The following TDRD5 variants were observed in gnomAD, a reference collection of about 807,000 sequenced individuals.
TDRD5 encodes tudor domain containing 5.
Under a neutral mutation model 120.6 loss-of-function variants are expected in TDRD5, and 41 were observed. That is an observed-to-expected ratio of 0.34 (90% CI 0.26 to 0.44). TDRD5 has a LOEUF of 0.44. TDRD5 is among the 20% of genes least tolerant of loss of function. The probability of loss-of-function intolerance (pLI) is 1.00; values close to 1 mark genes in which losing one functional copy is unlikely to be tolerated. For synonymous variants in TDRD5, 430 were observed against 433.7 expected (o/e 0.99, Z 0.11); for missense variants, 1,006 against 1,221.2 (o/e 0.82, Z 2.63).
intron 17 of TDRD5, among the ~76,000 whole-genome samples, chr1:179,675,571 G>A (rs923632071): frequency 2.6e-4 from 40 of 152,004 alleles, no homozygotes; most frequent in Non-Finnish European, 5.0e-4. Flanking sequence ...GAGCCACCGC[G>A]CCCGGCCCTC....
intron 17 of TDRD5, among the ~76,000 whole-genome samples, chr1:179,677,693 T>A (rs1162046242): frequency 3.9e-5 from 6 of 152,158 alleles, no homozygotes; most frequent in Non-Finnish European, 8.8e-5. Context: ...CAAAGAGTCT[T>A]GTGATGTGAT....
At position 179,635,766 on chromosome 1, in the gene TDRD5, T is replaced by G. The variant is rs1677731031; in HGVS notation, c.1399T>G (p.Leu467Val). 2 of 1,614,102 alleles carry G rather than the reference T, an allele frequency of 1.2e-6. No homozygotes were observed. Among genetic ancestry groups the G allele is most frequent in the Non-Finnish European group, 8.5e-7 (1 of 1,180,000 alleles). Residue 467 changes from leucine to valine, a missense_variant, in exon 9 of 18, where the codon TTA (leucine) becomes GTA (valine). This residue lies in a region of TDRD5 where 158 missense variants were observed against 257.5 expected (regional missense o/e 0.61). Coordinates refer to ENST00000444136, the MANE Select transcript of TDRD5 (RefSeq NM_001199085.3). ...CAAGAAATTATGCAGACTCCCACCA[T>G]TAGACACCAGTTCCCTCATAGGGGT... ...PNKKLCRLPP[L>V]DTSSLIGVFV...
rs1677734735 is a variant in TDRD5, at chr1:179,635,807, C to A, written c.1440C>A (p.Ile480=). ...TCATAGGGGTCTTTGTGGAGTATAT[C>A]ATCTCTCCTAGTCAATTCTACATCC... is the stretch of plus-strand genomic sequence containing the variant. The part of the protein sequence containing the change: ...SSLIGVFVEY[I]ISPSQFYIRI... The change falls in exon 9 of 18, where the codon ATC becomes ATA. Residue 480 remains isoleucine (I), a synonymous_variant. Coordinates refer to ENST00000444136, the MANE Select transcript of TDRD5 (RefSeq NM_001199085.3). The A allele has an allele frequency of 1.2e-6, 2 of 1,613,992 alleles. No individual in the cohort carries two copies. Among genetic ancestry groups the A allele is most frequent in the South Asian group, 1.1e-5 (1 of 91,080 alleles).
intron 5 of TDRD5, among the ~76,000 whole-genome samples, chr1:179,620,514 T>C (rs1003648135): frequency 7.2e-5 from 11 of 152,142 alleles, no homozygotes; most frequent in African/African-American, 2.4e-4. Flanking sequence ...TTTACTGACA[T>C]GGAAAGATGT....
intron 4 of TDRD5, among the ~76,000 whole-genome samples, chr1:179,599,139 A>C (rs1367288643): frequency 3.9e-5 from 6 of 151,900 alleles, no homozygotes; most frequent in Non-Finnish European, 7.4e-5. Flanking sequence ...GTTTTTTAAA[A>C]ATTTCTTTTC....
chr1:179,682,262 A>G (rs1042232938), intron 17 of TDRD5, among the ~76,000 whole-genome samples: 1 of 151,698 alleles, frequency 6.6e-6, no homozygotes, highest in Non-Finnish European at 1.5e-5. Context: ...TATTATTACT[A>G]TACTTAAGTT....
At chr1:179,619,578 CTT>C (rs1676737021) in intron 5 of TDRD5, among the ~76,000 whole-genome samples, 1 of 151,814 alleles carries the variant, frequency 6.6e-6, no homozygotes, top group Admixed American at 6.6e-5. Context: ...TGTTTAGACA[CTT>C]GAGCAAGTGT....
intron 17 of TDRD5, among the ~76,000 whole-genome samples, chr1:179,683,290 G>A (rs1483809393): frequency 3.9e-5 from 6 of 152,134 alleles, no homozygotes. Flanking sequence ...CAGTTTTCCA[G>A]TTGTGTAAGG....
chr1:179,622,270 C>A (rs919581648), intron 6 of TDRD5, among the ~76,000 whole-genome samples: 1 of 152,082 alleles, frequency 6.6e-6, no homozygotes, highest in Admixed American at 6.5e-5. Flanking sequence ...CAAAGGGTGG[C>A]AGATTTTGGG....
At chr1:179,634,725 C>T (rs1677671765) in intron 8 of TDRD5, 96 bp downstream of exon 8, 2 of 1,367,296 alleles carry the variant, frequency 1.5e-6, no homozygotes, top group Admixed American at 5.0e-5. Context: ...TTAGAAAAGT[C>T]TTATTTCTGG....
At chr1:179,610,986 T>C (rs1453366221) in intron 4 of TDRD5, among the ~76,000 whole-genome samples, 1 of 152,168 alleles carries the variant, frequency 6.6e-6, no homozygotes, top group Non-Finnish European at 1.5e-5. Flanking sequence ...ATGCCTTTCA[T>C]TGCAGATATT....
chr1:179,616,695 A>C (rs181105229), intron 4 of TDRD5, among the ~76,000 whole-genome samples: 2 of 152,208 alleles, frequency 1.3e-5, no homozygotes, highest in East Asian at 3.9e-4. Flanking sequence ...TATTTTATTC[A>C]ATTTTCTTTA....
At chr1:179,687,480 G>C (rs1680790124) in intron 17 of TDRD5, among the ~76,000 whole-genome samples, 2 of 152,202 alleles carry the variant, frequency 1.3e-5, no homozygotes, top group African/African-American at 4.8e-5. Context: ...ATCAATTTTG[G>C]AATAAGTGTG....
At chr1:179,690,622 A>C in intron 17 of TDRD5, 74 bp from the exon 18 acceptor site, 1 of 1,548,894 alleles carries the variant, frequency 6.5e-7, no homozygotes, top group Non-Finnish European at 8.7e-7. Context: ...TTAGTATAGA[A>C]CTAGAATGGG....
intron 17 of TDRD5, among the ~76,000 whole-genome samples, chr1:179,674,730 T>C (rs1408135732): frequency 6.6e-6 from 1 of 152,226 alleles, no homozygotes; most frequent in Admixed American, 6.5e-5. Flanking sequence ...TTGTTATTGG[T>C]CTGATCAGAG....
chr1:179,625,764 G>C (rs1677088118), intron 6 of TDRD5, among the ~76,000 whole-genome samples: 1 of 152,020 alleles, frequency 6.6e-6, no homozygotes, highest in Admixed American at 6.6e-5. Context: ...CATCAATAAG[G>C]GAATTAATGA....
intron 4 of TDRD5, among the ~76,000 whole-genome samples, chr1:179,599,634 T>G (rs1251781140): frequency 6.6e-6 from 1 of 152,096 alleles, no homozygotes; most frequent in South Asian, 2.1e-4. Context: ...GTTCATAATG[T>G]TCTCCCAGTA....
At chr1:179,653,910 C>G (rs1410925889) in intron 13 of TDRD5, among the ~76,000 whole-genome samples, 2 of 152,144 alleles carry the variant, frequency 1.3e-5, no homozygotes, top group East Asian at 1.9e-4. Flanking sequence ...AAGACTGATT[C>G]TAGGTCTTTC....
chr1:179,691,178 A>T lies in TDRD5; in HGVS notation c.*235A>T. On this transcript the variant is annotated 3_prime_UTR_variant, in exon 18 of 18. Transcript: ENST00000444136. ...GATTTTATTCTGTGTCATTTTGTTC[A>T]CCTTTGTTTTTAATGTAGTTTAAAG... 5 of 443,554 alleles carry T rather than the reference A, an allele frequency of 1.1e-5. No homozygotes were observed. Among genetic ancestry groups the T allele is most frequent in the South Asian group, 8.4e-5 (2 of 23,862 alleles). 27.5% of individuals were successfully genotyped at this position (443,554 alleles called of 1,614,324 possible). A position where few individuals can be genotyped will look rare whatever the true frequency, so the allele number is the denominator to read the frequency against.
Sources: gnomAD v4.1 joint callset for allele counts (sites outside exome capture counted in the v4.1 genomes callset) on GRCh38, gnomAD v4.1.1 for gene constraint, gnomAD v4.1.1 regional missense constraint, MANE v1.5 for transcripts, NCBI Gene and HGNC (gene_info 2026-07-23, HGNC 2026-07-21) for gene names.